The following RAPGEF6 variants were observed in gnomAD, a reference collection of about 807,000 sequenced individuals.
The protein encoded by RAPGEF6 is Rap guanine nucleotide exchange factor 6.
A neutral mutation model predicts 171.4 loss-of-function variants in RAPGEF6; 56 were observed. That is an observed-to-expected ratio of 0.33 (90% CI 0.26 to 0.41). The LOEUF is 0.41. Among genes scored for constraint, RAPGEF6 ranks in the 10% least tolerant of loss-of-function variants. RAPGEF6 has a pLI of 1.00. For synonymous variants in RAPGEF6, 692 were observed against 650.1 expected (o/e 1.06, Z -0.98); for missense variants, 1,674 against 1,921.4 (o/e 0.87, Z 2.41).
intron 6 of RAPGEF6, among the ~76,000 whole-genome samples, chr5:131,538,258 G>A (rs1417626002): frequency 6.6e-6 from 1 of 152,152 alleles, no homozygotes; most frequent in Non-Finnish European, 1.5e-5. Flanking sequence ...GGTACATTCT[G>A]AGGAATGTGT....
At chr5:131,606,055 A>AAAAAAAAAAG (rs1764553795) in intron 1 of RAPGEF6, among the ~76,000 whole-genome samples, 2 of 126,546 alleles carry the variant, frequency 1.6e-5, no homozygotes, top group African/African-American at 8.6e-5. Context: ...AAAAAAAAAG[A>AAAAAAAAAAG]AAAAGAAAAG....
chr5:131,572,648 C>CA (rs1762373746), intron 4 of RAPGEF6, among the ~76,000 whole-genome samples: 1 of 152,140 alleles, frequency 6.6e-6, no homozygotes, highest in Admixed American at 6.5e-5. Context: ...GGGACGCCTA[C>CA]TGGAAGCCTG....
intron 7 of RAPGEF6, among the ~76,000 whole-genome samples, chr5:131,514,202 A>G (rs1757927574): frequency 6.6e-6 from 1 of 152,156 alleles, no homozygotes; most frequent in African/African-American, 2.4e-5. Flanking sequence ...AAAAAATAAG[A>G]CTGTTCAAAA....
intron 1 of RAPGEF6, among the ~76,000 whole-genome samples, chr5:131,627,394 G>A (rs568773476): frequency 3.3e-5 from 5 of 152,330 alleles, no homozygotes; most frequent in South Asian, 2.1e-4. Context: ...CAATGAATAC[G>A]AAGTGCTACC....
intron 15 of RAPGEF6, among the ~76,000 whole-genome samples, chr5:131,484,191 T>G (rs770031363): frequency 4.5e-4 from 67 of 149,896 alleles, no homozygotes; most frequent in Non-Finnish European, 7.3e-4. Context: ...TATATCAAAA[T>G]TTAAAAGACT....
At chr5:131,486,541 T>G (rs992595435) in intron 15 of RAPGEF6, among the ~76,000 whole-genome samples, 8 of 152,168 alleles carry the variant, frequency 5.3e-5, no homozygotes, top group Non-Finnish European at 1.0e-4. Flanking sequence ...TTCCTTACAT[T>G]TTCTTTTAGA....
intron 11 of RAPGEF6, among the ~76,000 whole-genome samples, chr5:131,502,418 T>C (rs911598346): frequency 2.6e-5 from 4 of 152,202 alleles, no homozygotes; most frequent in Non-Finnish European, 5.9e-5. Flanking sequence ...AAATGATGAC[T>C]TTACACTGAA....
intron 1 of RAPGEF6, among the ~76,000 whole-genome samples, chr5:131,632,483 T>C (rs1561624606): frequency 6.6e-6 from 1 of 152,250 alleles, no homozygotes; most frequent in Non-Finnish European, 1.5e-5. Context: ...CCTCTTACTC[T>C]GCTCTTTTCT....
intron 6 of RAPGEF6, among the ~76,000 whole-genome samples, chr5:131,537,218 T>G (rs186689130): frequency 2.0e-5 from 3 of 152,238 alleles, no homozygotes; most frequent in Admixed American, 1.3e-4. Context: ...ATAAAATATT[T>G]CAAGTATGAT....
chr5:131,512,069 G>A (rs922454418), intron 7 of RAPGEF6, among the ~76,000 whole-genome samples: 1 of 152,176 alleles, frequency 6.6e-6, no homozygotes, highest in African/African-American at 2.4e-5. Flanking sequence ...ATAGGAAAGG[G>A]AATGGGGAGG....
intron 27 of RAPGEF6, 110 bp from the exon 28 acceptor site, chr5:131,427,401 A>G (rs1394368485): frequency 1.1e-6 from 1 of 921,514 alleles, no homozygotes; most frequent in East Asian, 2.7e-5. Context: ...CCTCTCAAAC[A>G]TTGCATCGAG....
intron 4 of RAPGEF6, among the ~76,000 whole-genome samples, chr5:131,581,721 G>A (rs1762972527): frequency 6.6e-6 from 1 of 152,016 alleles, no homozygotes; most frequent in African/African-American, 2.4e-5. Context: ...AAGGTCCTCT[G>A]AGCTGGGCAC....
intron 4 of RAPGEF6, among the ~76,000 whole-genome samples, chr5:131,581,095 G>A (rs1178484035): frequency 1.3e-5 from 2 of 152,148 alleles, no homozygotes; most frequent in Admixed American, 6.5e-5. Flanking sequence ...TAGCATTACA[G>A]ACATATCACA....
At chr5:131,625,740 C>T (rs1335190275) in intron 1 of RAPGEF6, among the ~76,000 whole-genome samples, 1 of 149,156 alleles carries the variant, frequency 6.7e-6, no homozygotes, top group Non-Finnish European at 1.5e-5. Flanking sequence ...TGTGTGAACC[C>T]GGGAGGTGGA....
chr5:131,484,361 G>A (rs542372775), intron 15 of RAPGEF6, among the ~76,000 whole-genome samples: 3 of 150,932 alleles, frequency 2.0e-5, no homozygotes, highest in Non-Finnish European at 4.4e-5. Context: ...CGAGTAGCTG[G>A]GACTACAGGT....
intron 15 of RAPGEF6, among the ~76,000 whole-genome samples, chr5:131,480,207 C>T (rs183275311): frequency 1.1e-4 from 17 of 152,198 alleles, no homozygotes; most frequent in Admixed American, 9.8e-4. Context: ...TTTTTTCAAC[C>T]AAACGTGGAT....
chr5:131,509,101 C>A (rs911690358), intron 8 of RAPGEF6, among the ~76,000 whole-genome samples: 6 of 152,108 alleles, frequency 3.9e-5, no homozygotes, highest in African/African-American at 1.4e-4. Flanking sequence ...AGAAAAAAAT[C>A]TTAATTAAAT....
In RAPGEF6 at chr5:131,429,042, G is replaced by C. The variant is rs1253158671; in HGVS notation, c.4640C>G (p.Ser1547Cys). The change falls in exon 27 of 28, where the codon TCT becomes TGT. Residue 1547 changes from serine (S) to cysteine (C), a missense_variant. Transcript: ENST00000509018. ...ACTGAGAGAAGCTGGTGGCAGTCTA[G>C]AGAGGCTGTTATGCATCATCTTTGA... is the stretch of plus-strand genomic sequence containing the variant. The part of the protein sequence containing the change: ...QRSKMMHNSL[S>C]RLPPASLSSN... The C allele has an allele frequency of 2.5e-6, 4 of 1,614,040 alleles. No homozygotes were observed. The highest frequency in any genetic ancestry group is 8.5e-7 in the Non-Finnish European group (1 of 1,180,032).
chr5:131,573,197 C>T (rs112752337), intron 4 of RAPGEF6, among the ~76,000 whole-genome samples: 2 of 152,108 alleles, frequency 1.3e-5, no homozygotes, highest in Non-Finnish European at 1.5e-5. Context: ...TCTGCTCCCC[C>T]ACTCTATAAC....
Sources: allele counts gnomAD v4.1 joint callset (sites outside exome capture counted in the v4.1 genomes callset), GRCh38; gene constraint gnomAD v4.1.1; transcripts MANE v1.5; gene names NCBI Gene and HGNC (gene_info 2026-07-23, HGNC 2026-07-21).